The following STAM2 variants were observed in gnomAD, a reference collection of about 807,000 sequenced individuals.
The protein encoded by STAM2 is signal transducing adaptor molecule 2.
A neutral mutation model predicts 65.6 loss-of-function variants in STAM2; 51 were observed. The ratio of observed to expected loss-of-function variants is 0.78; its 90% CI spans 0.62 to 0.98. The LOEUF (loss-of-function observed/expected upper bound fraction) is 0.98, where lower values mean the gene tolerates loss of function less well. Among genes scored for constraint, STAM2 ranks in the 50% least tolerant of loss-of-function variants. STAM2 has a pLI of 0.00. For missense variants in STAM2, 584 were observed against 617.8 expected, an observed-to-expected ratio of 0.95 and a Z score of 0.58; for synonymous variants, 198 against 208.4, an observed-to-expected ratio of 0.95 and a Z score of 0.43.
intron 1 of STAM2, among the ~76,000 whole-genome samples, chr2:152,175,288 T>A (rs760326741): frequency 2.0e-5 from 3 of 152,182 alleles, no homozygotes; most frequent in Non-Finnish European, 4.4e-5. Context: ...AAGTTTTTAA[T>A]CACCAACTCC....
At chr2:152,131,512 G>A (rs1401637876) in intron 11 of STAM2, 4 of 152,406 alleles carry the variant, frequency 2.6e-5, no homozygotes, top group Admixed American at 6.6e-5. Flanking sequence ...CAGCCATCTT[G>A]GCAGCTGCTC....
At position 152,120,802 on chromosome 2, in the gene STAM2, G is replaced by A. The variant is rs1296471518; in HGVS notation, c.1350C>T (p.Ser450=). The A allele has an allele frequency of 7.4e-6, 12 of 1,611,826 alleles. No individual in the cohort carries two copies. The highest frequency in any genetic ancestry group is 1.6e-4 in the Middle Eastern group (1 of 6,082). The change falls in exon 14 of 14, where the codon AGC becomes AGT. Residue 450 remains serine (S), a splice_region_variant and synonymous_variant. Coordinates refer to ENST00000263904, the MANE Select transcript of STAM2 (RefSeq NM_005843.6). Reference sequence around the variant, plus strand: ...GATTGGAAACAGTGTCTTGTCCAGTGCTACAAACAAAATTTTAAAAAGAAA... The same window carrying A: ...GATTGGAAACAGTGTCTTGTCCAGTACTACAAACAAAATTTTAAAAAGAAA... ...TAQPAQTSYL[S]TGQDTVSNPT... is the part of the protein sequence containing the mutation.
chr2:152,120,756 A>C lies in STAM2; in HGVS notation c.1396T>G (p.Ser466Ala), dbSNP rs1688837785. 6.2e-7 allele frequency: 1 copy of C among 1,614,056 alleles called. No individual in the cohort carries two copies. Among genetic ancestry groups the C allele is most frequent in the South Asian group, 1.1e-5 (1 of 91,090 alleles). ...GTACCAGTAGCTGACTGTAGGTTAG[A>C]GTTCTGGTTCATATAAGTAGGATTG... ...VSNPTYMNQN[S>A]NLQSATGTTA... The change falls in exon 14 of 14, where the codon TCT (serine) becomes GCT (alanine). Residue 466 changes from serine (S) to alanine (A), a missense_variant. Ser to Ala is a moderately conservative substitution (Grantham distance 99). Transcript: ENST00000263904.
At chr2:152,172,382 T>C (rs1689911622) in intron 1 of STAM2, among the ~76,000 whole-genome samples, 1 of 152,124 alleles carries the variant, frequency 6.6e-6, no homozygotes, top group Admixed American at 6.5e-5. Context: ...CTAAGACATC[T>C]TGACCCATCC....
chr2:152,163,458 T>C lies in STAM2; in HGVS notation c.40+12145A>G, dbSNP rs545155163. Among the ~76,000 whole-genome samples, 6 of 136,326 alleles carry C rather than the reference T, an allele frequency of 4.4e-5. No homozygotes were observed. The East Asian group carries it at 8.7e-4, about 20-fold the overall frequency. The allele number at this position is 136,326 out of a possible 152,430, so 89.4% of individuals were successfully genotyped here. The stretch of plus-strand genomic sequence containing the variant: ...GTGATGATTGCATTAACTGTACAAA[T>C]TGATTGTAAAAGACGTGTGTTTGAA... On this transcript the variant is annotated intron_variant, in intron 1 of 13. Transcript: ENST00000263904.
chr2:152,156,765 T>A (rs1689562800), intron 1 of STAM2, among the ~76,000 whole-genome samples: 1 of 152,142 alleles, frequency 6.6e-6, no homozygotes, highest in South Asian at 2.1e-4. Context: ...AAACTTTTAA[T>A]AAAATAGGCT....
At chr2:152,162,397 G>A (rs1338848203) in intron 1 of STAM2, among the ~76,000 whole-genome samples, 1 of 151,808 alleles carries the variant, frequency 6.6e-6, no homozygotes, top group Admixed American at 6.6e-5. Flanking sequence ...AACATAGTGA[G>A]ATCCCTCACC....
At chr2:152,166,472 A>G (rs1163682527) in intron 1 of STAM2, among the ~76,000 whole-genome samples, 2 of 152,254 alleles carry the variant, frequency 1.3e-5, no homozygotes, top group African/African-American at 4.8e-5. Context: ...TTGATATCCT[A>G]CCCTACATAC....
At chr2:152,130,028 T>A (rs750023339) in intron 11 of STAM2, among the ~76,000 whole-genome samples, 1 of 152,160 alleles carries the variant, frequency 6.6e-6, no homozygotes, top group Non-Finnish European at 1.5e-5. Flanking sequence ...CTTATTTTGG[T>A]CCTATCTAAT....
At chr2:152,149,789 C>T (rs1419534592) in intron 2 of STAM2, among the ~76,000 whole-genome samples, 3 of 152,136 alleles carry the variant, frequency 2.0e-5, no homozygotes, top group Non-Finnish European at 4.4e-5. Flanking sequence ...TGAGCCACTG[C>T]GCCCAGCCAA....
intron 1 of STAM2, among the ~76,000 whole-genome samples, chr2:152,154,945 T>C (rs1256500807): frequency 1.3e-5 from 2 of 151,188 alleles, no homozygotes; most frequent in Admixed American, 1.3e-4. Context: ...GTTATACTTA[T>C]TGGTATCTTT....
intron 11 of STAM2, among the ~76,000 whole-genome samples, chr2:152,129,177 T>C (rs954408090): frequency 5.3e-5 from 8 of 152,204 alleles, no homozygotes; most frequent in African/African-American, 1.9e-4. Flanking sequence ...CAGATCTCAC[T>C]GTGTCACCCA....
At chr2:152,162,398 A>AT (rs1336704502) in intron 1 of STAM2, among the ~76,000 whole-genome samples, 1 of 151,852 alleles carries the variant, frequency 6.6e-6, no homozygotes, top group African/African-American at 2.4e-5. Context: ...ACATAGTGAG[A>AT]TCCCTCACCT....
At chr2:152,145,457 TCACA>T (rs1223275159) in intron 5 of STAM2, among the ~76,000 whole-genome samples, 1 of 152,224 alleles carries the variant, frequency 6.6e-6, no homozygotes, top group Non-Finnish European at 1.5e-5. Flanking sequence ...CATTATAAAC[TCACA>T]CAGGGATCAA....
intron 5 of STAM2, among the ~76,000 whole-genome samples, chr2:152,146,090 T>TCTCTTGTTTCTTTAGTA (rs1272381793): frequency 2.0e-5 from 3 of 151,706 alleles, no homozygotes; most frequent in Non-Finnish European, 4.4e-5. Flanking sequence ...GTCAACATGG[T>TCTCTTGTTTCTTTAGTA]GAAACCCCGT....
chr2:152,158,184 G>A (rs568330277), intron 1 of STAM2, among the ~76,000 whole-genome samples: 6 of 152,288 alleles, frequency 3.9e-5, no homozygotes, highest in South Asian at 2.1e-4. Flanking sequence ...AATTTAAAAA[G>A]TCATTAAATG....
intron 1 of STAM2, 147 bp downstream of exon 1, chr2:152,175,456 C>T: frequency 9.3e-7 from 1 of 1,069,996 alleles, no homozygotes; most frequent in Admixed American, 2.2e-5. Context: ...AGAAAAATCC[C>T]AACGTCGAAG....
chr2:152,122,794 A>G (rs1030870874), intron 13 of STAM2, among the ~76,000 whole-genome samples: 1 of 152,152 alleles, frequency 6.6e-6, no homozygotes, highest in Non-Finnish European at 1.5e-5. Flanking sequence ...GGCTGGGTGC[A>G]GTGGTGCATG....
At chr2:152,133,552 G>A in intron 8 of STAM2, 68 bp from the exon 9 acceptor site, 1 of 1,236,876 alleles carries the variant, frequency 8.1e-7, no homozygotes, top group Non-Finnish European at 1.2e-6. Context: ...TAATTTATAA[G>A]TGGCCTATGA....
Sources: gnomAD v4.1 joint callset for allele counts (sites outside exome capture counted in the v4.1 genomes callset) on GRCh38, gnomAD v4.1.1 for gene constraint, MANE v1.5 for transcripts, NCBI Gene and HGNC (gene_info 2026-07-23, HGNC 2026-07-21) for gene names.